Variants in PTPRM observed in about 807,000 individuals in gnomAD.
The protein encoded by PTPRM is protein tyrosine phosphatase receptor type M.
PTPRM carries 47 observed loss-of-function variants against 186.7 expected under a neutral mutation model. The ratio of observed to expected loss-of-function variants is 0.25; its 90% CI spans 0.20 to 0.32. PTPRM has a LOEUF of 0.32. Ranked by LOEUF, PTPRM falls within the 10% of genes least tolerant of loss-of-function variation. The probability of loss-of-function intolerance (pLI) is 1.00; values close to 1 mark genes in which losing one functional copy is unlikely to be tolerated. For missense variants in PTPRM, 1,494 were observed against 1,865.0 expected (o/e 0.80, Z 3.66); for synonymous variants, 668 against 674.9 (o/e 0.99, Z 0.16).
At chr18:8,098,703 A>G (rs1379783388) in intron 11 of PTPRM, among the ~76,000 whole-genome samples, 2 of 152,136 alleles carry the variant, frequency 1.3e-5, no homozygotes, top group Non-Finnish European at 2.9e-5. Context: ...TCCAATTTGC[A>G]GGCTTATACT....
chr18:7,946,993 G>A (rs779748694), intron 5 of PTPRM: 5 of 456,158 alleles, frequency 1.1e-5, no homozygotes, highest in South Asian at 4.6e-5. Context: ...TTTTACAGCA[G>A]CACTGAACAT....
At chr18:7,936,481 G>A (rs962892411) in intron 5 of PTPRM, among the ~76,000 whole-genome samples, 4 of 152,212 alleles carry the variant, frequency 2.6e-5, no homozygotes, top group Non-Finnish European at 5.9e-5. Flanking sequence ...ACCCAGGGCA[G>A]CACTTACATG....
At chr18:8,386,542 T>G (rs78247778) in intron 30 of PTPRM, among the ~76,000 whole-genome samples, 11,015 of 152,286 alleles carry the variant, frequency 0.072, 923 homozygotes, top group African/African-American at 0.21. Flanking sequence ...TTCATGTTTC[T>G]ATCATAAGCT....
chr18:8,119,142 T>C (rs2092076897), intron 13 of PTPRM, among the ~76,000 whole-genome samples: 1 of 152,216 alleles, frequency 6.6e-6, no homozygotes, highest in South Asian at 2.1e-4. Flanking sequence ...AGTAACATTT[T>C]ATTTAAGTTA....
At chr18:8,335,361 T>C (rs2095433255) in intron 22 of PTPRM, among the ~76,000 whole-genome samples, 1 of 152,152 alleles carries the variant, frequency 6.6e-6, no homozygotes, top group Admixed American at 6.5e-5. Flanking sequence ...TTCCTGACTT[T>C]GACTGCCACA....
intron 14 of PTPRM, among the ~76,000 whole-genome samples, chr18:8,189,593 A>G (rs2146688837): frequency 6.6e-6 from 1 of 152,332 alleles, no homozygotes; most frequent in East Asian, 1.9e-4. Context: ...GGCATCCTTC[A>G]GAGCTGATAT....
intron 1 of PTPRM, among the ~76,000 whole-genome samples, chr18:7,738,571 G>T (rs2040821108): frequency 6.6e-6 from 1 of 151,576 alleles, no homozygotes; most frequent in South Asian, 2.1e-4. Context: ...GAGTAGCTGG[G>T]ACTATAGGCG....
rs147565645 is a variant in PTPRM at position 8,201,134 on chromosome 18, A to G, written c.2301-42924A>G. On this transcript the variant is annotated intron_variant, in intron 14 of 32. Transcript: ENST00000580170. ...AGTTCAAGACCAGACTGGCCAACAT[A>G]GCAAAACCCTGTCTCTACTAAAAAT... is the stretch of plus-strand genomic sequence containing the variant. Among the ~76,000 whole-genome samples, 269 of 152,212 alleles carry G rather than the reference A, an allele frequency of 1.8e-3. 1 individual carries two copies. The highest frequency in any genetic ancestry group is 6.2e-3 in the African/African-American group (256 of 41,542).
At chr18:7,710,333 A>T (rs2040185655) in intron 1 of PTPRM, among the ~76,000 whole-genome samples, 1 of 152,244 alleles carries the variant, frequency 6.6e-6, no homozygotes, top group Non-Finnish European at 1.5e-5. Flanking sequence ...AAAGCATTTG[A>T]CAAAATCTGG....
intron 19 of PTPRM, among the ~76,000 whole-genome samples, chr18:8,256,765 A>T (rs534946147): frequency 6.6e-6 from 1 of 152,336 alleles, no homozygotes; most frequent in East Asian, 1.9e-4. Flanking sequence ...ATGGATTAAG[A>T]GTTTAAGAAC....
intron 14 of PTPRM, among the ~76,000 whole-genome samples, chr18:8,178,441 C>T (rs964554901): frequency 4.6e-5 from 7 of 152,150 alleles, no homozygotes; most frequent in Non-Finnish European, 8.8e-5. Flanking sequence ...TGATTATTTG[C>T]ATAAATCACA....
chr18:8,215,481 C>T (rs565517863), intron 14 of PTPRM, among the ~76,000 whole-genome samples: 1 of 150,890 alleles, frequency 6.6e-6, no homozygotes, highest in Non-Finnish European at 1.5e-5. Flanking sequence ...TATTCTTTCT[C>T]TCCTTGCCTT....
At chr18:8,069,563 T>C in intron 7 of PTPRM, 123 bp from the exon 8 acceptor site, 1 of 851,892 alleles carries the variant, frequency 1.2e-6, no homozygotes, top group Non-Finnish European at 1.8e-6. Flanking sequence ...AGGGATTTAT[T>C]ATCCAGGAAG....
intron 2 of PTPRM, among the ~76,000 whole-genome samples, chr18:7,780,350 A>G (rs1316026270): frequency 6.6e-6 from 1 of 152,180 alleles, no homozygotes; most frequent in Non-Finnish European, 1.5e-5. Context: ...GACAGCCTTC[A>G]CTTTTGTTCT....
At chr18:8,136,370 TC>T (rs1453380708) in intron 13 of PTPRM, among the ~76,000 whole-genome samples, 1 of 152,202 alleles carries the variant, frequency 6.6e-6, no homozygotes, top group Non-Finnish European at 1.5e-5. Flanking sequence ...ACTTTTAGTG[TC>T]CAGATGATAA....
intron 3 of PTPRM, among the ~76,000 whole-genome samples, chr18:7,896,772 T>TG (rs1321018419): frequency 3.3e-5 from 5 of 152,180 alleles, no homozygotes; most frequent in Non-Finnish European, 7.3e-5. Context: ...GAACTTGTAC[T>TG]GGGGAGAGGG....
At chr18:7,610,978 G>A (rs2037657943) in intron 1 of PTPRM, among the ~76,000 whole-genome samples, 1 of 152,140 alleles carries the variant, frequency 6.6e-6, no homozygotes, top group Non-Finnish European at 1.5e-5. Context: ...AGTGGGACAG[G>A]ATGTAGATGT....
Position 7,910,549 on chromosome 18 carries a change from G to A in PTPRM, c.547+3966G>A, listed in dbSNP as rs367767729. 3.9e-5 allele frequency among the ~76,000 whole-genome samples: 6 copies of A among 152,326 alleles called. No homozygotes were observed. The South Asian group carries it at 6.2e-4, about 16-fold the overall frequency. On this transcript the variant is annotated intron_variant, in intron 4 of 32. Transcript: ENST00000580170. ...ACCCTGTGTAAGTGAAGTAGTGGCC[G>A]ATGGTCAGTCTGATTGGTCGTGGGA... is the stretch of plus-strand genomic sequence containing the variant.
chr18:7,857,969 AAGAG>A (rs2047173692), intron 2 of PTPRM, among the ~76,000 whole-genome samples: 1 of 152,212 alleles, frequency 6.6e-6, no homozygotes, highest in Non-Finnish European at 1.5e-5. Context: ...GTGCTATTAG[AAGAG>A]AGAGAGGGCA....
Sources: gnomAD v4.1 joint callset for allele counts (sites outside exome capture counted in the v4.1 genomes callset) on GRCh38, gnomAD v4.1.1 for gene constraint, MANE v1.5 for transcripts, NCBI Gene and HGNC (gene_info 2026-07-23, HGNC 2026-07-21) for gene names.